The following WRN variants were observed in gnomAD, a reference collection of about 807,000 sequenced individuals.
The protein encoded by WRN is bifunctional 3'-5' exonuclease/ATP-dependent helicase WRN.
A neutral mutation model predicts 180.7 loss-of-function variants in WRN; 149 were observed. The observed-to-expected ratio is 0.82, with a 90% CI of 0.72 to 0.94. WRN has a LOEUF of 0.94. Among genes scored for constraint, WRN ranks in the 40% least tolerant of loss-of-function variants. The pLI, the probability that WRN is intolerant of heterozygous loss-of-function variation, is 0.00. For synonymous variants in WRN, 548 were observed against 568.9 expected (o/e 0.96, Z 0.52); for missense variants, 1,661 against 1,700.1 (o/e 0.98, Z 0.40).
chr8:31,155,604 C>T (rs1051835553), intron 32 of WRN, among the ~76,000 whole-genome samples: 15 of 139,750 alleles, frequency 1.1e-4, no homozygotes, highest in Non-Finnish European at 2.3e-4. Flanking sequence ...CCTGGGCGAC[C>T]GAGCAAGACT....
At chr8:31,098,925 T>C (rs1814098738) in intron 17 of WRN, among the ~76,000 whole-genome samples, 1 of 152,132 alleles carries the variant, frequency 6.6e-6, no homozygotes, top group South Asian at 2.1e-4. Flanking sequence ...TGTTTTAACC[T>C]ATTTAATTTA....
chr8:31,067,133 A>T lies in WRN; in HGVS notation c.605A>T (p.Lys202Ile), dbSNP rs1205560435. The T allele has an allele frequency of 6.2e-7, 1 of 1,613,934 alleles. No homozygotes were observed. The highest frequency in any genetic ancestry group is 1.7e-5 in the Admixed American group (1 of 60,020). The change falls in exon 6 of 35, where the codon AAA (lysine) becomes ATA (isoleucine). Residue 202 changes from lysine to isoleucine, a missense_variant. By Grantham distance (102) the Lys-to-Ile change is moderately radical. Around this residue, in one of 3 missense-constraint regions of WRN, gnomAD observed 500 missense variants for 504.1 expected, o/e 0.99. Coordinates refer to ENST00000298139, the MANE Select transcript of WRN (RefSeq NM_000553.6). ...DKSIRCSNWSKFPLTEDQKLY... is the reference protein window; with the variant it reads ...DKSIRCSNWSIFPLTEDQKLY... ...TCTATCCGCTGTAGCAATTGGAGTA[A>T]ATTTCCTCTCACTGAGGACCAGAAA... is the stretch of plus-strand genomic sequence containing the variant.
intron 21 of WRN, 142 bp downstream of exon 21, chr8:31,120,566 A>T: frequency 1.2e-6 from 1 of 862,964 alleles, no homozygotes; most frequent in Non-Finnish European, 1.7e-6. Flanking sequence ...AGAAAAATAA[A>T]ACCTCCCCAA....
chr8:31,125,938 A>G (rs1473830595), intron 23 of WRN, among the ~76,000 whole-genome samples: 1 of 150,814 alleles, frequency 6.6e-6, no homozygotes, highest in Non-Finnish European at 1.5e-5. Flanking sequence ...GATGCATAAT[A>G]TTAATCATCA....
chr8:31,116,461 A>G lies in WRN; in HGVS notation c.2381A>G (p.Tyr794Cys). The change falls in exon 20 of 35, where the codon TAC (tyrosine) becomes TGC (cysteine). Residue 794 changes from tyrosine (Y) to cysteine (C), a missense_variant. Tyr to Cys is a radical substitution (Grantham distance 194, BLOSUM62 -2). This residue lies in a region of WRN where 1,141 missense variants were observed against 1,149.4 expected (regional missense o/e 0.99). Coordinates refer to ENST00000298139, the MANE Select transcript of WRN (RefSeq NM_000553.6). ...LRKLNLSCGTYHAGMSFSTRK... is the reference protein window; with the variant it reads ...LRKLNLSCGTCHAGMSFSTRK... Reference sequence around the variant, plus strand: ...AAACTGAATCTATCCTGTGGAACATACCATGCGGGCATGAGTTTTAGCACA... The same window carrying G: ...AAACTGAATCTATCCTGTGGAACATGCCATGCGGGCATGAGTTTTAGCACA... The G allele has an allele frequency of 6.2e-7, 1 of 1,614,068 alleles. No individual in the cohort carries two copies. Among genetic ancestry groups the G allele is most frequent in the Non-Finnish European group, 8.5e-7 (1 of 1,179,956 alleles).
chr8:31,070,041 CT>C (rs1327455112), intron 7 of WRN, among the ~76,000 whole-genome samples: 1 of 151,914 alleles, frequency 6.6e-6, no homozygotes, highest in Non-Finnish European at 1.5e-5. Context: ...TTGACCTTCA[CT>C]TTTTTTCCCC....
chr8:31,059,083 T>C, intron 2 of WRN, 70 bp from the exon 3 acceptor site: 1 of 1,165,284 alleles, frequency 8.6e-7, no homozygotes, highest in East Asian at 2.3e-5. Context: ...TCAGTGAACT[T>C]TATTATTTCA....
At position 31,173,308 on chromosome 8, in the gene WRN, A is replaced by G; in HGVS notation, c.*206A>G. ...TTCTGGGAGCCTACGTGAGTACATCACCTAACAGAATATTAAATTAGACTT... is the reference window on the plus strand; with the variant it reads ...TTCTGGGAGCCTACGTGAGTACATCGCCTAACAGAATATTAAATTAGACTT... On this transcript the variant is annotated 3_prime_UTR_variant, in exon 35 of 35. Coordinates refer to ENST00000298139, the MANE Select transcript of WRN (RefSeq NM_000553.6). The G allele has an allele frequency of 1.8e-6, 1 of 559,862 alleles. No individual in the cohort carries two copies. Among genetic ancestry groups the G allele is most frequent in the East Asian group, 3.0e-5 (1 of 33,150 alleles). The allele number at this position is 559,862 out of a possible 1,614,324, so 34.7% of individuals were successfully genotyped here.
At chr8:31,161,003 G>T (rs561647974) in intron 33 of WRN, among the ~76,000 whole-genome samples, 9 of 150,410 alleles carry the variant, frequency 6.0e-5, no homozygotes, top group Non-Finnish European at 1.3e-4. Flanking sequence ...AAAAAAAATA[G>T]AATTTGTGCA....
chr8:31,171,533 A>G (rs894326633), intron 34 of WRN: 2 of 152,196 alleles, frequency 1.3e-5, no homozygotes, highest in Non-Finnish European at 2.9e-5. Flanking sequence ...TACAGTGTAT[A>G]TAAGTCTCAT....
intron 3 of WRN, among the ~76,000 whole-genome samples, chr8:31,059,756 G>T (rs1812414674): frequency 6.6e-6 from 1 of 152,126 alleles, no homozygotes; most frequent in Non-Finnish European, 1.5e-5. Flanking sequence ...CTTAAAAAAT[G>T]TTCTAACTAA....
chr8:31,064,302 G>T lies in WRN; in HGVS notation c.223G>T (p.Asp75Tyr). The T allele has an allele frequency of 2.5e-6, 4 of 1,614,044 alleles. No individual in the cohort carries two copies. Among genetic ancestry groups the T allele is most frequent in the African/African-American group, 1.3e-5 (1 of 75,048 alleles). Residue 75 changes from aspartate (D) to tyrosine (Y), a missense_variant, in exon 4 of 35, where the codon GAT (aspartate) becomes TAT (tyrosine). By Grantham distance (160) the Asp-to-Tyr change is radical. This residue lies in a region of WRN where 500 missense variants were observed against 504.1 expected (regional missense o/e 0.99). Coordinates refer to ENST00000298139, the MANE Select transcript of WRN (RefSeq NM_000553.6). Reference protein sequence around the residue: ...LSEDISMSLSDGDVVGFDMEW... With the variant: ...LSEDISMSLSYGDVVGFDMEW... ...TTCTCACTTTAGCATGAGTCTATCAGATGGGGATGTGGTGGGATTTGACAT... is the reference window on the plus strand; with the variant it reads ...TTCTCACTTTAGCATGAGTCTATCATATGGGGATGTGGTGGGATTTGACAT...
At chr8:31,060,447 GC>G (rs1262862787) in intron 3 of WRN, among the ~76,000 whole-genome samples, 1 of 151,992 alleles carries the variant, frequency 6.6e-6, no homozygotes, top group Non-Finnish European at 1.5e-5. Context: ...TACTCAGGAG[GC>G]CTAGGTTTTG....
chr8:31,146,901 G>T (rs1238942377), intron 28 of WRN, 152 bp from the exon 29 acceptor site: 1 of 626,760 alleles, frequency 1.6e-6, no homozygotes, highest in East Asian at 3.0e-5. Flanking sequence ...AATCTAGGCT[G>T]TTGTCATTTA....
chr8:31,085,645 T>A (rs1452785784), intron 11 of WRN, among the ~76,000 whole-genome samples: 1 of 152,062 alleles, frequency 6.6e-6, no homozygotes, highest in Admixed American at 6.6e-5. Flanking sequence ...TATTTTTGTA[T>A]TTTTTGTAGA....
At chr8:31,086,347 A>T (rs1281220244) in intron 11 of WRN, among the ~76,000 whole-genome samples, 1 of 152,078 alleles carries the variant, frequency 6.6e-6, no homozygotes, top group African/African-American at 2.4e-5. Context: ...CCGAGGCAGG[A>T]GGATCACTTC....
At chr8:31,154,183 G>T (rs557813928) in intron 31 of WRN, among the ~76,000 whole-genome samples, 33 of 151,794 alleles carry the variant, frequency 2.2e-4, no homozygotes, top group Admixed American at 3.9e-4. Flanking sequence ...TTTAAAATTA[G>T]ATATGTAGAG....
chr8:31,061,102 T>A (rs765863476), intron 3 of WRN, among the ~76,000 whole-genome samples: 3 of 152,220 alleles, frequency 2.0e-5, no homozygotes, highest in Non-Finnish European at 4.4e-5. Flanking sequence ...CAAGTTTGAT[T>A]GCTTGATACT....
intron 7 of WRN, among the ~76,000 whole-genome samples, chr8:31,069,042 G>A (rs190020992): frequency 1.6e-4 from 25 of 152,316 alleles, no homozygotes; most frequent in African/African-American, 4.3e-4. Flanking sequence ...CCGTTTTACC[G>A]TTTTATAGAA....
Sources: allele counts gnomAD v4.1 joint callset (sites outside exome capture counted in the v4.1 genomes callset), GRCh38; gene constraint gnomAD v4.1.1; regional missense constraint gnomAD v4.1.1; transcripts MANE v1.5; gene names NCBI Gene and HGNC (gene_info 2026-07-23, HGNC 2026-07-21).